PPM1B: variants seen among roughly 807,000 people sequenced by gnomAD.
PPM1B encodes protein phosphatase, Mg2+/Mn2+ dependent 1B, also known as protein phosphatase 1B.
Under a neutral mutation model 43.0 loss-of-function variants are expected in PPM1B, and 22 were observed. The ratio of observed to expected loss-of-function variants is 0.51; its 90% CI spans 0.37 to 0.73. The LOEUF is 0.73. Among genes scored for constraint, PPM1B ranks in the 30% least tolerant of loss-of-function variants. The pLI, the probability that PPM1B is intolerant of heterozygous loss-of-function variation, is 0.00. For synonymous variants in PPM1B, 217 were observed against 197.9 expected (o/e 1.10, Z -0.81); for missense variants, 632 against 584.2 (o/e 1.08, Z -0.84).
At position 44,201,094 on chromosome 2, in the gene PPM1B, C is replaced by A; in HGVS notation, c.-14-92C>A. The A allele has an allele frequency of 7.7e-7, 1 of 1,291,898 alleles. No homozygotes were observed. Among genetic ancestry groups the A allele is most frequent in the Non-Finnish European group, 1.0e-6 (1 of 956,702 alleles). The allele number at this position is 1,291,898 out of a possible 1,614,324, so 80.0% of individuals were successfully genotyped here. ...AATTAGGATAATACTAAAAAAAATA[C>A]TTGAGGTAGGAGTTACTAGACTATA... On this transcript the variant is annotated intron_variant, in intron 1 of 5. Transcript: ENST00000282412. The surrounding 1 kb of genome is among the most constrained non-coding windows in gnomAD (Gnocchi z 5.4).
chr2:44,241,230 C>T (rs1670738363), intron 5 of PPM1B, among the ~76,000 whole-genome samples: 1 of 141,722 alleles, frequency 7.1e-6, no homozygotes, highest in Non-Finnish European at 1.6e-5. Flanking sequence ...CTCGAACTCC[C>T]GACCTCAGGT....
chr2:44,211,435 C>T (rs1443874245), intron 3 of PPM1B, among the ~76,000 whole-genome samples: 1 of 152,096 alleles, frequency 6.6e-6, no homozygotes, highest in Admixed American at 6.6e-5. Context: ...GGCAGGAATA[C>T]TGTGGAAGTG....
At chr2:44,181,265 A>C (rs1451025052) in intron 1 of PPM1B, among the ~76,000 whole-genome samples, 1 of 152,170 alleles carries the variant, frequency 6.6e-6, no homozygotes, top group Admixed American at 6.5e-5. Flanking sequence ...ATATTATTTC[A>C]CAGGCACCTT....
chr2:44,205,862 A>T (rs796185345), intron 2 of PPM1B, among the ~76,000 whole-genome samples: 2 of 152,190 alleles, frequency 1.3e-5, no homozygotes, highest in African/African-American at 4.8e-5. Context: ...ACATCATTCT[A>T]TATTAATTTA....
chr2:44,183,985 GCC>G (rs1668009037), intron 1 of PPM1B, among the ~76,000 whole-genome samples: 1 of 152,150 alleles, frequency 6.6e-6, no homozygotes, highest in Non-Finnish European at 1.5e-5. Flanking sequence ...TGATCCGCCC[GCC>G]TCGGCCTCCC....
At chr2:44,233,454 A>C, downstream of PPM1B, 1 of 983,930 alleles carries the variant, frequency 1.0e-6, no homozygotes, top group Non-Finnish European at 1.2e-6. Flanking sequence ...TGCATGTATT[A>C]AATTCAATTA....
At chr2:44,199,140 C>T (rs1408120039) in intron 1 of PPM1B, among the ~76,000 whole-genome samples, 1 of 151,614 alleles carries the variant, frequency 6.6e-6, no homozygotes, top group Non-Finnish European at 1.5e-5. Context: ...TGCCTGTAAC[C>T]CCAGCTACCC....
At chr2:44,199,859 C>CAT (rs944032077) in intron 1 of PPM1B, among the ~76,000 whole-genome samples, 4 of 152,092 alleles carry the variant, frequency 2.6e-5, no homozygotes, top group Non-Finnish European at 5.9e-5. Flanking sequence ...TAAATATTTA[C>CAT]ATATATATAT....
intron 3 of PPM1B, 117 bp downstream of exon 3, chr2:44,209,444 AT>A: frequency 1.8e-6 from 2 of 1,098,058 alleles, no homozygotes; most frequent in South Asian, 1.7e-5. Flanking sequence ...AAAAAAAAAA[AT>A]TTAGAGAGGG....
At chr2:44,184,965 C>G (rs1202219505) in intron 1 of PPM1B, among the ~76,000 whole-genome samples, 1 of 148,434 alleles carries the variant, frequency 6.7e-6, no homozygotes, top group African/African-American at 2.5e-5. Context: ...ACTTATTAGA[C>G]CGGCCACTAG....
At chr2:44,239,057 C>T (rs1670690784), downstream of PPM1B, among the ~76,000 whole-genome samples, 1 of 151,462 alleles carries the variant, frequency 6.6e-6, no homozygotes, top group Admixed American at 6.6e-5. Flanking sequence ...TACCTGTAGT[C>T]CTAGCTACTT....
chr2:44,175,471 A>C (rs1374057255), intron 1 of PPM1B, among the ~76,000 whole-genome samples: 1 of 152,174 alleles, frequency 6.6e-6, no homozygotes, highest in African/African-American at 2.4e-5. Flanking sequence ...TCTGTGTGCA[A>C]AGGCCCCCAT....
In PPM1B at chr2:44,199,331, A is replaced by AT. The variant is rs1383960321; in HGVS notation, c.-14-1855_-14-1854insT. Among the ~76,000 whole-genome samples the AT allele has an allele frequency of 1.6e-3, 234 of 145,692 alleles. 2 individuals are homozygous for AT. Among genetic ancestry groups the AT allele is most frequent in the African/African-American group, 5.7e-3 (223 of 39,052 alleles). On this transcript the variant is annotated intron_variant, in intron 1 of 5. Transcript: ENST00000282412. ...AAAAAAAAAAAATAAAAATAAAAAA[A>AT]AAAAAAATTGAGCCAGGTATGGTGG...
At chr2:44,244,479 T>G (rs1670814984), downstream of PPM1B, 1 of 912,770 alleles carries the variant, frequency 1.1e-6, no homozygotes, top group South Asian at 3.2e-5. Flanking sequence ...TTTTTTCCTG[T>G]CCATGTGATA....
chr2:44,209,179 A>AT (rs752218025), intron 2 of PPM1B, 31 bp from the exon 3 acceptor site: 29 of 1,508,116 alleles, frequency 1.9e-5, no homozygotes, highest in South Asian at 8.8e-5. Flanking sequence ...TAGAAATACA[A>AT]TTTTTTTTCT....
intron 1 of PPM1B, among the ~76,000 whole-genome samples, chr2:44,182,222 A>G (rs1667908913): frequency 6.6e-6 from 1 of 152,212 alleles, no homozygotes; most frequent in Admixed American, 6.5e-5. Context: ...CTCCAGACAT[A>G]TGGGAAATAC....
downstream of PPM1B, among the ~76,000 whole-genome samples, chr2:44,245,324 C>T (rs1171877464): frequency 8.9e-6 from 1 of 112,310 alleles, no homozygotes; most frequent in African/African-American, 2.8e-5. Context: ...ACCCTGAATG[C>T]CAGATGATCT....
At chr2:44,193,064 C>T (rs1668481382) in intron 1 of PPM1B, among the ~76,000 whole-genome samples, 1 of 152,178 alleles carries the variant, frequency 6.6e-6, no homozygotes, top group Non-Finnish European at 1.5e-5. Flanking sequence ...ATACTGAATT[C>T]AGTTCCTTAG....
Position 44,169,003 on chromosome 2 carries a change from G to A in PPM1B, c.-286G>A. Reference sequence around the variant, plus strand: ...TGGAGTCTCTGATTCTCAGGGTTCGGTGGTTGGAAGATGCTCCAGAGAGAC... The same window carrying A: ...TGGAGTCTCTGATTCTCAGGGTTCGATGGTTGGAAGATGCTCCAGAGAGAC... On this transcript the variant is annotated 5_prime_UTR_variant, in exon 1 of 6. It adds an upstream start codon to the 5' untranslated region. Coordinates refer to ENST00000282412, the MANE Select transcript of PPM1B (RefSeq NM_002706.6). 6.4e-6 allele frequency: 1 copy of A among 156,878 alleles called. No individual in the cohort carries two copies. The highest frequency in any genetic ancestry group is 1.9e-4 in the East Asian group (1 of 5,258). The allele number at this position is 156,878 out of a possible 1,614,324, so 9.7% of individuals were successfully genotyped here. A position where few individuals can be genotyped will look rare whatever the true frequency, so the allele number is the denominator to read the frequency against.
Sources: allele counts gnomAD v4.1 joint callset (sites outside exome capture counted in the v4.1 genomes callset), GRCh38; gene constraint gnomAD v4.1.1; non-coding constraint Gnocchi (gnomAD v3.1); transcripts MANE v1.5; gene names NCBI Gene and HGNC (gene_info 2026-07-23, HGNC 2026-07-21).